The following NDUFA7 variants were observed in gnomAD, a reference collection of about 807,000 sequenced individuals.
NDUFA7 encodes NADH dehydrogenase [ubiquinone] 1 alpha subcomplex subunit 7.
NDUFA7 carries 18 observed loss-of-function variants against 14.2 expected under a neutral mutation model. The observed-to-expected ratio is 1.27, with a 90% CI of 0.88 to 1.88. The LOEUF (loss-of-function observed/expected upper bound fraction) is 1.88. Ranked by LOEUF, NDUFA7 falls within the 40% of genes most tolerant of loss-of-function variation. The probability of loss-of-function intolerance (pLI) is 0.00; values close to 1 mark genes in which losing one functional copy is unlikely to be tolerated. For synonymous variants in NDUFA7, 75 were observed against 62.1 expected (o/e 1.21, Z -0.98); for missense variants, 172 against 147.3 (o/e 1.17, Z -0.87).
downstream of NDUFA7, among the ~76,000 whole-genome samples, chr19:8,309,862 T>TG (rs1290331424): frequency 1.3e-5 from 2 of 152,130 alleles, no homozygotes; most frequent in African/African-American, 2.4e-5. Context: ...CAGCCAGACT[T>TG]GGACACCCTC....
downstream of NDUFA7, chr19:8,309,012 G>A (rs1970141483): frequency 6.6e-6 from 1 of 150,806 alleles, no homozygotes; most frequent in African/African-American, 2.5e-5. Context: ...CTTGAGCCCA[G>A]GAGTTCGAGA....
At chr19:8,315,224 C>T (rs962272643) in intron 3 of NDUFA7, among the ~76,000 whole-genome samples, 4 of 152,132 alleles carry the variant, frequency 2.6e-5, no homozygotes, top group African/African-American at 9.7e-5. Context: ...GATGTGGCCT[C>T]GTGGGAAAGG....
chr19:8,311,539 C>T lies in NDUFA7; in HGVS notation c.308G>A (p.Arg103Lys). The T allele has an allele frequency of 6.2e-7, 1 of 1,612,654 alleles. No individual in the cohort carries two copies. ...AGGCTGGTCCGAGGACAGCTCCCAC[C>T]TCTTTATGGGAGGAGCTGGAGTCAC... ...KAVTPAPPIK[R>K]WELSSDQPYL The change falls in exon 4 of 4, where the codon AGG becomes AAG. Residue 103 changes from arginine (R) to lysine (K), a missense_variant. Transcript: ENST00000301457.
At chr19:8,309,373 C>T (rs927057835), downstream of NDUFA7, among the ~76,000 whole-genome samples, 2 of 151,776 alleles carry the variant, frequency 1.3e-5, no homozygotes, top group Non-Finnish European at 2.9e-5. Flanking sequence ...ACTAGGGAGG[C>T]TGAGATGGGA....
downstream of NDUFA7, among the ~76,000 whole-genome samples, chr19:8,309,333 G>A (rs1349744242): frequency 6.6e-6 from 1 of 152,118 alleles, no homozygotes. Flanking sequence ...AATTAGCCGG[G>A]TGTGGTAACA....
intron 3 of NDUFA7, among the ~76,000 whole-genome samples, chr19:8,313,430 A>C (rs1211750271): frequency 6.7e-6 from 1 of 150,366 alleles, no homozygotes; most frequent in Non-Finnish European, 1.5e-5. Flanking sequence ...CAGGGTTTCA[A>C]CATGTTAGCC....
At chr19:8,320,806 G>T in intron 2 of NDUFA7, 51 bp downstream of exon 2, 1 of 1,607,372 alleles carries the variant, frequency 6.2e-7, no homozygotes. Flanking sequence ...TTTCGTTTTT[G>T]GTGGAGAAAG....
chr19:8,319,892 C>A (rs1283381359), intron 2 of NDUFA7, among the ~76,000 whole-genome samples: 1 of 152,100 alleles, frequency 6.6e-6, no homozygotes, highest in Non-Finnish European at 1.5e-5. Context: ...GTCACCCAGG[C>A]TGGAGTGCAG....
intron 2 of NDUFA7, 125 bp from the exon 3 acceptor site, chr19:8,316,770 C>T (rs1371880888): frequency 5.8e-5 from 69 of 1,190,434 alleles, no homozygotes; most frequent in Non-Finnish European, 7.9e-5. Context: ...AAGCCACAGG[C>T]TGGGGGTGTC....
intron 3 of NDUFA7, among the ~76,000 whole-genome samples, chr19:8,315,204 G>A (rs1317288085): frequency 6.6e-6 from 1 of 152,212 alleles, no homozygotes; most frequent in Non-Finnish European, 1.5e-5. Context: ...CTCCCCATGT[G>A]ATAGCCTGAG....
intron 2 of NDUFA7, 63 bp from the exon 3 acceptor site, chr19:8,316,708 G>A: frequency 1.3e-6 from 2 of 1,574,204 alleles, no homozygotes; most frequent in Non-Finnish European, 1.7e-6. Flanking sequence ...CCCGCTGTGG[G>A]CCCCTGTCAC....
At chr19:8,313,406 A>G (rs1009751185) in intron 3 of NDUFA7, among the ~76,000 whole-genome samples, 1 of 151,432 alleles carries the variant, frequency 6.6e-6, no homozygotes, top group Admixed American at 6.6e-5. Context: ...AATTTTTTGT[A>G]TTTTTAGTAC....
chr19:8,315,612 C>G (rs936066237), intron 3 of NDUFA7, among the ~76,000 whole-genome samples: 9 of 152,086 alleles, frequency 5.9e-5, no homozygotes, highest in African/African-American at 2.2e-4. Flanking sequence ...TGCCACATCC[C>G]CCTCTCACAC....
intron 3 of NDUFA7, 52 bp from the exon 4 acceptor site, chr19:8,311,647 A>T: frequency 6.6e-7 from 1 of 1,514,704 alleles, no homozygotes; most frequent in Non-Finnish European, 9.1e-7. Flanking sequence ...GTGTGGAAAG[A>T]TCTGAGGGAG....
At chr19:8,313,507 G>A (rs185393830) in intron 3 of NDUFA7, among the ~76,000 whole-genome samples, 2 of 152,364 alleles carry the variant, frequency 1.3e-5, no homozygotes, top group African/African-American at 4.8e-5. Flanking sequence ...TGGGATTACA[G>A]GCGTGAGCCA....
downstream of NDUFA7, among the ~76,000 whole-genome samples, chr19:8,309,133 A>G (rs1407920497): frequency 1.3e-5 from 2 of 151,684 alleles, no homozygotes; most frequent in African/African-American, 4.9e-5. Context: ...GAGGTGGGAG[A>G]ATCACTTGGG....
intron 1 of NDUFA7, 57 bp downstream of exon 1, chr19:8,321,251 T>C (rs922817059): frequency 6.7e-7 from 1 of 1,484,408 alleles, no homozygotes. Context: ...CAGGAGCGGG[T>C]CCCGGACACA....
rs781780359 is a variant in NDUFA7 at position 8,311,610 on chromosome 19, G to C, written c.252-15C>G. The stretch of plus-strand genomic sequence containing the variant: ...CTACAGCAGAGCTGGAGGAGGGAAA[G>C]ACTTCAGTGAGGGTTTCCAAAGAAC... On this transcript the variant is annotated splice_polypyrimidine_tract_variant and intron_variant, in intron 3 of 3. Transcript: ENST00000301457. The C allele has an allele frequency of 1.2e-6, 2 of 1,605,566 alleles. No individual in the cohort carries two copies. Among genetic ancestry groups the C allele is most frequent in the Non-Finnish European group, 1.7e-6 (2 of 1,174,220 alleles).
At chr19:8,319,860 T>C (rs1479584838) in intron 2 of NDUFA7, among the ~76,000 whole-genome samples, 1 of 152,100 alleles carries the variant, frequency 6.6e-6, no homozygotes, top group African/African-American at 2.4e-5. Context: ...TTTTTTATTT[T>C]TTTGAGACAG....
Sources: gnomAD v4.1 joint callset for allele counts (sites outside exome capture counted in the v4.1 genomes callset) on GRCh38, gnomAD v4.1.1 for gene constraint, MANE v1.5 for transcripts, NCBI Gene and HGNC (gene_info 2026-07-23, HGNC 2026-07-21) for gene names.